The following PLSCR2 variants were observed in gnomAD, a reference collection of about 807,000 sequenced individuals.
PLSCR2 encodes the protein PL scramblase 2.
PLSCR2 carries 18 observed loss-of-function variants against 25.3 expected under a neutral mutation model. That is an observed-to-expected ratio of 0.71 (90% CI 0.49 to 1.06). PLSCR2 has a LOEUF of 1.06. Among genes scored for constraint, PLSCR2 ranks in the 50% least tolerant of loss-of-function variants. The probability of loss-of-function intolerance (pLI) is 0.00; values close to 1 mark genes in which losing one functional copy is unlikely to be tolerated. For missense variants in PLSCR2, 243 were observed against 269.5 expected (o/e 0.90, Z 0.69); for synonymous variants, 88 against 87.3 (o/e 1.01, Z -0.04).
chr3:146,469,456 A>C, intron 1 of PLSCR2, 39 bp downstream of exon 1: 2 of 938,576 alleles, frequency 2.1e-6, no homozygotes, highest in Non-Finnish European at 2.5e-6. Context: ...GGCACACCCC[A>C]GTCCCATAGG....
downstream of PLSCR2, among the ~76,000 whole-genome samples, chr3:146,440,028 G>C (rs2040137785): frequency 6.6e-6 from 1 of 152,188 alleles, no homozygotes; most frequent in African/African-American, 2.4e-5. Flanking sequence ...GTTGGAGTTT[G>C]CTTGAAGTCC....
intron 6 of PLSCR2, among the ~76,000 whole-genome samples, chr3:146,447,334 C>T (rs985276185): frequency 6.6e-6 from 1 of 152,166 alleles, no homozygotes; most frequent in East Asian, 1.9e-4. Flanking sequence ...CAAGAGTTTC[C>T]CCTAATGCCC....
chr3:146,491,028 G>C (rs1247089087), intron 1 of PLSCR2, among the ~76,000 whole-genome samples: 1 of 152,060 alleles, frequency 6.6e-6, no homozygotes, highest in Admixed American at 6.6e-5. Flanking sequence ...AAGACTTCTT[G>C]TAAGGCAGGC....
At chr3:146,473,106 C>T (rs913894450) in intron 1 of PLSCR2, among the ~76,000 whole-genome samples, 1 of 152,146 alleles carries the variant, frequency 6.6e-6, no homozygotes, top group African/African-American at 2.4e-5. Context: ...TCTGTCTAGA[C>T]ACCCTTTGTG....
At chr3:146,430,849 T>C (rs146522181), downstream of PLSCR2, among the ~76,000 whole-genome samples, 103 of 150,300 alleles carry the variant, frequency 6.9e-4, no homozygotes, top group African/African-American at 2.3e-3. Context: ...CCTTCCCCAC[T>C]GATCCATGTG....
intron 1 of PLSCR2, among the ~76,000 whole-genome samples, chr3:146,482,611 C>G (rs941642258): frequency 1.3e-5 from 2 of 152,184 alleles, no homozygotes; most frequent in African/African-American, 4.8e-5. Context: ...AATAGGAACA[C>G]TTTTACACTG....
intron 1 of PLSCR2, among the ~76,000 whole-genome samples, chr3:146,467,517 T>C (rs949047255): frequency 3.3e-5 from 5 of 152,018 alleles, no homozygotes; most frequent in African/African-American, 9.7e-5. Flanking sequence ...GCATAGAGCA[T>C]GAAAGGCACT....
intron 1 of PLSCR2, among the ~76,000 whole-genome samples, chr3:146,491,625 G>C (rs1392979683): frequency 6.6e-6 from 1 of 152,090 alleles, no homozygotes; most frequent in South Asian, 2.1e-4. Flanking sequence ...TCTTACTTCA[G>C]TTCATTCTAC....
chr3:146,423,209 C>T (rs2039209670), intron 2 of PLSCR2, among the ~76,000 whole-genome samples: 1 of 145,992 alleles, frequency 6.8e-6, no homozygotes, highest in Admixed American at 7.0e-5. Context: ...TTCTTTGGTT[C>T]TGTCTCTTTC....
chr3:146,396,259 G>A (rs2038268306), intron 2 of PLSCR2, among the ~76,000 whole-genome samples: 1 of 152,016 alleles, frequency 6.6e-6, no homozygotes, highest in Non-Finnish European at 1.5e-5. Flanking sequence ...TCATTACACA[G>A]CTTCCCAACT....
Position 146,393,027 on chromosome 3 carries a change from C to CTTTT in PLSCR2, c.*146-1469_*146-1466dup, listed in dbSNP as rs1296969192. ...AAAAATAATTGGGTTATTTACATTC[C>CTTTT]TTTTTTTTTTTTTTTTTTTGAGACA... On this transcript the variant is annotated intron_variant and NMD_transcript_variant, in intron 3 of 3. Transcript: ENST00000463633. 3.8e-4 allele frequency among the ~76,000 whole-genome samples: 40 copies of CTTTT among 104,408 alleles called. 1 individual carries two copies. The highest frequency in any genetic ancestry group is 6.4e-4 in the African/African-American group (18 of 28,038). 68.5% of individuals were successfully genotyped at this position (104,408 alleles called of 152,430 possible). A position where few individuals can be genotyped will look rare whatever the true frequency, so the allele number is the denominator to read the frequency against.
chr3:146,418,964 C>A (rs1474855026), intron 2 of PLSCR2, among the ~76,000 whole-genome samples: 1 of 152,120 alleles, frequency 6.6e-6, no homozygotes, highest in African/African-American at 2.4e-5. Flanking sequence ...GGTTGTCCAG[C>A]CATTCCCTTT....
intron 2 of PLSCR2, among the ~76,000 whole-genome samples, chr3:146,411,689 A>G (rs185728365): frequency 2.0e-5 from 3 of 152,350 alleles, no homozygotes; most frequent in Admixed American, 1.3e-4. Flanking sequence ...GAGACAGCTA[A>G]TGCTCAAAAT....
chr3:146,404,821 A>AGGG (rs1553768571), intron 2 of PLSCR2, among the ~76,000 whole-genome samples: 14 of 124,676 alleles, frequency 1.1e-4, no homozygotes, highest in South Asian at 6.0e-4. Context: ...AAAAAAAAAA[A>AGGG]GGGGGGGGGT....
chr3:146,435,004 G>A (rs1163945096), intron 8 of PLSCR2, among the ~76,000 whole-genome samples: 1 of 144,208 alleles, frequency 6.9e-6, no homozygotes, highest in Admixed American at 7.5e-5. Flanking sequence ...TCCCACCTAT[G>A]AGTGAGAACA....
intron 1 of PLSCR2, among the ~76,000 whole-genome samples, chr3:146,482,262 AG>A (rs2043156340): frequency 6.6e-6 from 1 of 152,244 alleles, no homozygotes; most frequent in African/African-American, 2.4e-5. Flanking sequence ...GTATGGCAAA[AG>A]AAACTACCAT....
chr3:146,488,350 C>A (rs940135132), intron 1 of PLSCR2, among the ~76,000 whole-genome samples: 2 of 152,016 alleles, frequency 1.3e-5, no homozygotes, highest in Admixed American at 6.6e-5. Context: ...AACTAAGGAG[C>A]TTCTGGACAG....
upstream of PLSCR2, chr3:146,463,834 C>T: frequency 1.0e-6 from 1 of 973,302 alleles, no homozygotes. Context: ...CACCTCCTTA[C>T]CTGCCATTTC....
At chr3:146,482,870 A>T (rs2043178120) in intron 1 of PLSCR2, among the ~76,000 whole-genome samples, 1 of 152,200 alleles carries the variant, frequency 6.6e-6, no homozygotes, top group African/African-American at 2.4e-5. Context: ...TGTGGCATAT[A>T]CACACCGTGG....
Sources: gnomAD v4.1 joint callset for allele counts (sites outside exome capture counted in the v4.1 genomes callset) on GRCh38, gnomAD v4.1.1 for gene constraint, MANE v1.5 for transcripts, NCBI Gene and HGNC (gene_info 2026-07-23, HGNC 2026-07-21) for gene names.